The following NAP1L1 variants were observed in gnomAD, a reference collection of about 807,000 sequenced individuals.
NAP1L1 encodes nucleosome assembly protein 1 like 1.
NAP1L1 carries 9 observed loss-of-function variants against 58.9 expected under a neutral mutation model. The ratio of observed to expected loss-of-function variants is 0.15; its 90% CI spans 0.09 to 0.27. The LOEUF is 0.27. Among genes scored for constraint, NAP1L1 ranks in the 10% least tolerant of loss-of-function variants. The pLI is 1.00. For synonymous variants in NAP1L1, 130 were observed against 138.3 expected, an observed-to-expected ratio of 0.94 and a Z score of 0.42; for missense variants, 302 against 458.8, an observed-to-expected ratio of 0.66 and a Z score of 3.12.
chr12:76,059,136 A>G (rs190595102), intron 6 of NAP1L1, among the ~76,000 whole-genome samples: 57 of 152,374 alleles, frequency 3.7e-4, no homozygotes, highest in Non-Finnish European at 6.5e-4. Context: ...TGCAAATGTT[A>G]TAAGTGAACA....
At chr12:76,062,307 G>A (rs141931724) in intron 4 of NAP1L1, among the ~76,000 whole-genome samples, 84 of 152,222 alleles carry the variant, frequency 5.5e-4, no homozygotes, top group African/African-American at 2.0e-3. Flanking sequence ...TTCAGTGTAA[G>A]GCAACTAGTG....
At position 76,042,952 on chromosome 12, in the gene NAP1L1, GA is replaced by G. The variant is rs1190578134; in HGVS notation, c.*5476del. On this transcript the variant is annotated 3_prime_UTR_variant, in exon 15 of 15. Coordinates refer to ENST00000618691, the MANE Select transcript of NAP1L1 (RefSeq NM_004537.7). ...AGAGTTGAAGGAAAGCTGTAATATTGATAAGTTACCCCAAAACACCAATCTG... is the reference window on the plus strand; with the variant it reads ...AGAGTTGAAGGAAAGCTGTAATATTGTAAGTTACCCCAAAACACCAATCTG... The G allele has an allele frequency of 2.0e-5, 3 of 152,292 alleles. No homozygotes were observed. In the East Asian group the frequency reaches 5.8e-4, roughly 29 times the overall value. 9.4% of individuals were successfully genotyped at this position (152,292 alleles called of 1,614,324 possible).
In NAP1L1 at chr12:76,045,385, AC is replaced by A. The variant is rs1301413465; in HGVS notation, c.*3043del. The A allele has an allele frequency of 6.6e-6, 1 of 152,128 alleles. No homozygotes were observed. The highest frequency in any genetic ancestry group is 6.5e-5 in the Admixed American group (1 of 15,278). The allele number at this position is 152,128 out of a possible 1,614,324, so 9.4% of individuals were successfully genotyped here. A position where few individuals can be genotyped will look rare whatever the true frequency, so the allele number is the denominator to read the frequency against. ...ACATAGCACGATAAGATTTTCAGTT[AC>A]TTCAAGTTTTGTCTTTATTTTTAAT... On this transcript the variant is annotated 3_prime_UTR_variant, in exon 15 of 15. Transcript: ENST00000618691.
chr12:76,084,029 C>G (rs1419591497), intron 1 of NAP1L1: 1 of 152,194 alleles, frequency 6.6e-6, no homozygotes, highest in Non-Finnish European at 1.5e-5. Flanking sequence ...TCCCCCGCCC[C>G]CTCCCCGCCT....
intron 14 of NAP1L1, 107 bp downstream of exon 14, chr12:76,049,093 G>C (rs976720026): frequency 6.2e-6 from 7 of 1,121,446 alleles, no homozygotes; most frequent in South Asian, 1.3e-5. Context: ...CAGTCAATAG[G>C]CTTTATTTAT....
At chr12:76,081,244 G>A (rs553953867) in intron 1 of NAP1L1, among the ~76,000 whole-genome samples, 3 of 152,070 alleles carry the variant, frequency 2.0e-5, no homozygotes, top group Admixed American at 1.3e-4. Flanking sequence ...AACCACGGAC[G>A]GGTTATCTAA....
intron 8 of NAP1L1, 94 bp downstream of exon 8, chr12:76,054,925 C>T (rs2136981806): frequency 1.2e-6 from 1 of 834,304 alleles, no homozygotes; most frequent in Admixed American, 2.7e-5. Context: ...ACAAAGAGCA[C>T]CAACCTTACC....
At chr12:76,082,272 G>A (rs77372082) in intron 1 of NAP1L1, among the ~76,000 whole-genome samples, 1 of 152,088 alleles carries the variant, frequency 6.6e-6, no homozygotes, top group Admixed American at 6.5e-5. Flanking sequence ...TGAGAATTTA[G>A]AATCAACTCA....
Position 76,047,102 on chromosome 12 carries a change from T to C in NAP1L1, c.*1327A>G, listed in dbSNP as rs1312919914. ...GTTTTCCAGTTTAGTTATCAAAGCGTGGTGTGAACAAAATGCTTAGTGTCA... is the reference window on the plus strand; with the variant it reads ...GTTTTCCAGTTTAGTTATCAAAGCGCGGTGTGAACAAAATGCTTAGTGTCA... On this transcript the variant is annotated 3_prime_UTR_variant, in exon 15 of 15. Coordinates refer to ENST00000618691, the MANE Select transcript of NAP1L1 (RefSeq NM_004537.7). 7.2e-5 allele frequency: 11 copies of C among 152,468 alleles called. No individual in the cohort carries two copies. The highest frequency in any genetic ancestry group is 1.2e-4 in the Non-Finnish European group (8 of 67,908). The allele number at this position is 152,468 out of a possible 1,614,324, so 9.4% of individuals were successfully genotyped here.
intron 4 of NAP1L1, among the ~76,000 whole-genome samples, chr12:76,061,882 T>G (rs1949433412): frequency 6.6e-6 from 1 of 152,216 alleles, no homozygotes. Context: ...GCTTCTGGCT[T>G]TTCTTGCTCC....
chr12:76,076,803 T>C (rs1002425801), intron 1 of NAP1L1, among the ~76,000 whole-genome samples: 2 of 152,008 alleles, frequency 1.3e-5, no homozygotes, highest in African/African-American at 4.8e-5. Context: ...CAGAGTATAC[T>C]TACACAAACC....
chr12:76,055,189 A>C, intron 7 of NAP1L1, 99 bp from the exon 8 acceptor site: 1 of 787,046 alleles, frequency 1.3e-6, no homozygotes, highest in Non-Finnish European at 1.9e-6. Flanking sequence ...AATATATTTC[A>C]AAGTAGTTTT....
At chr12:76,069,468 G>A (rs1397122081) in intron 2 of NAP1L1, among the ~76,000 whole-genome samples, 2 of 152,180 alleles carry the variant, frequency 1.3e-5, no homozygotes, top group Non-Finnish European at 1.5e-5. Context: ...CAGGATGGTA[G>A]ATAGCTGGGA....
At chr12:76,083,144 T>G (rs1950470841) in intron 1 of NAP1L1, among the ~76,000 whole-genome samples, 1 of 152,100 alleles carries the variant, frequency 6.6e-6, no homozygotes, top group Admixed American at 6.5e-5. Flanking sequence ...CCAGCCCCCC[T>G]ACACTGCCAT....
intron 4 of NAP1L1, among the ~76,000 whole-genome samples, chr12:76,063,956 G>A (rs888599785): frequency 3.3e-5 from 5 of 150,086 alleles, no homozygotes; most frequent in Non-Finnish European, 7.4e-5. Context: ...GAAGACCAAG[G>A]TGGGCCCAAC....
At chr12:76,060,083 T>C in intron 5 of NAP1L1, 55 bp downstream of exon 5, 1 of 1,560,694 alleles carries the variant, frequency 6.4e-7, no homozygotes, top group Non-Finnish European at 8.8e-7. Flanking sequence ...CTGCTTATGT[T>C]TCTAGAATTC....
At chr12:76,066,313 T>C (rs1222416279) in intron 4 of NAP1L1, among the ~76,000 whole-genome samples, 2 of 151,968 alleles carry the variant, frequency 1.3e-5, no homozygotes, top group Non-Finnish European at 2.9e-5. Context: ...TTAAAAAGTT[T>C]CAAAAGTACA....
intron 12 of NAP1L1, among the ~76,000 whole-genome samples, 179 bp downstream of exon 12, chr12:76,050,352 T>C (rs1303930716): frequency 6.6e-6 from 1 of 152,010 alleles, no homozygotes; most frequent in Non-Finnish European, 1.5e-5. Flanking sequence ...GATAAATGAA[T>C]CCAAAAATCC....
At position 76,048,448 on chromosome 12, in the gene NAP1L1, G is replaced by T. The variant is rs747880037; in HGVS notation, c.1157C>A (p.Ala386Glu). 6.2e-7 allele frequency: 1 copy of T among 1,613,658 alleles called. No individual in the cohort carries two copies. Among genetic ancestry groups the T allele is most frequent in the Non-Finnish European group, 8.5e-7 (1 of 1,179,718 alleles). ...CCTGCTTCACTGCTGCTTGCACTCTGCTGGGTTTTGATCCTTCTGTTAAAG... is the reference window on the plus strand; with the variant it reads ...CCTGCTTCACTGCTGCTTGCACTCTTCTGGGTTTTGATCCTTCTGTTAAAG... ...DYDPKKDQNP[A>E]ECKQQ The change falls in exon 15 of 15, where the codon GCA becomes GAA. Residue 386 changes from alanine (A) to glutamate (E), a missense_variant. Coordinates refer to ENST00000618691, the MANE Select transcript of NAP1L1 (RefSeq NM_004537.7).
Sources: gnomAD v4.1 joint callset for allele counts (sites outside exome capture counted in the v4.1 genomes callset) on GRCh38, gnomAD v4.1.1 for gene constraint, MANE v1.5 for transcripts, NCBI Gene and HGNC (gene_info 2026-07-23, HGNC 2026-07-21) for gene names.